Variants in UNC5D observed in about 807,000 individuals in gnomAD.
UNC5D encodes netrin receptor UNC5D.
Under a neutral mutation model 105.4 loss-of-function variants are expected in UNC5D, and 39 were observed. The ratio of observed to expected loss-of-function variants is 0.37; its 90% CI spans 0.29 to 0.48. The LOEUF (loss-of-function observed/expected upper bound fraction) is 0.48, where lower values mean the gene tolerates loss of function less well. Ranked by LOEUF, UNC5D falls within the 20% of genes least tolerant of loss-of-function variation. UNC5D has a pLI of 0.98. For synonymous variants in UNC5D, 452 were observed against 450.4 expected (o/e 1.00, Z -0.04); for missense variants, 991 against 1,202.4 (o/e 0.82, Z 2.60).
At chr8:35,764,732 C>G (rs934712866) in intron 14 of UNC5D, among the ~76,000 whole-genome samples, 1 of 152,182 alleles carries the variant, frequency 6.6e-6, no homozygotes, top group Non-Finnish European at 1.5e-5. Flanking sequence ...GCTGATGGTA[C>G]AAGCAAGTTG....
intron 4 of UNC5D, among the ~76,000 whole-genome samples, chr8:35,674,403 TTGTGTA>T (rs947622293): frequency 3.9e-5 from 6 of 152,160 alleles, no homozygotes; most frequent in Non-Finnish European, 7.4e-5. Flanking sequence ...GTGAGTGTGT[TTGTGTA>T]TGTGTGTGTG....
At chr8:35,397,749 C>T (rs1417962577) in intron 1 of UNC5D, among the ~76,000 whole-genome samples, 2 of 152,180 alleles carry the variant, frequency 1.3e-5, no homozygotes, top group Non-Finnish European at 2.9e-5. Context: ...TGGGTTGCTG[C>T]AATAGCGTCC....
chr8:35,444,123 C>T (rs1240357360), intron 1 of UNC5D, among the ~76,000 whole-genome samples: 2 of 151,872 alleles, frequency 1.3e-5, no homozygotes, highest in Non-Finnish European at 2.9e-5. Flanking sequence ...TCTGAATGTT[C>T]GTCCTCCATA....
intron 1 of UNC5D, among the ~76,000 whole-genome samples, chr8:35,416,909 A>G (rs994781287): frequency 1.3e-5 from 2 of 152,178 alleles, no homozygotes; most frequent in Non-Finnish European, 2.9e-5. Context: ...TTTATTGCAG[A>G]GAAAGAAGGG....
At chr8:35,715,239 G>A (rs1828191494) in intron 8 of UNC5D, among the ~76,000 whole-genome samples, 1 of 152,152 alleles carries the variant, frequency 6.6e-6, no homozygotes, top group Non-Finnish European at 1.5e-5. Context: ...TTAAAGGAAA[G>A]TATAGGAAAG....
intron 1 of UNC5D, among the ~76,000 whole-genome samples, chr8:35,322,315 AAAT>A (rs1453700257): frequency 6.6e-6 from 1 of 152,108 alleles, no homozygotes; most frequent in South Asian, 2.1e-4. Context: ...AAATAATTGA[AAAT>A]AATGTTTTTT....
chr8:35,693,533 A>G (rs1046887463), intron 7 of UNC5D, among the ~76,000 whole-genome samples: 2 of 152,180 alleles, frequency 1.3e-5, no homozygotes, highest in Non-Finnish European at 2.9e-5. Flanking sequence ...AACACTTCAG[A>G]TGCCTTTTGT....
chr8:35,787,985 T>TAAAGAAAAAAGAAAAGGAGGAAGG (rs1802827023), intron 16 of UNC5D, among the ~76,000 whole-genome samples: 1 of 151,578 alleles, frequency 6.6e-6, no homozygotes, highest in African/African-American at 2.4e-5. Flanking sequence ...GAATAACCAT[T>TAAAGAAAAAAGAAAAGGAGGAAGG]AAAGAAAAAA....
chr8:35,334,938 G>A (rs1264887562), intron 1 of UNC5D, among the ~76,000 whole-genome samples: 1 of 152,094 alleles, frequency 6.6e-6, no homozygotes, highest in African/African-American at 2.4e-5. Flanking sequence ...TCAAACCCCT[G>A]AGTTCCATCC....
At chr8:35,399,941 G>A (rs1804347570) in intron 1 of UNC5D, among the ~76,000 whole-genome samples, 1 of 152,098 alleles carries the variant, frequency 6.6e-6, no homozygotes, top group Admixed American at 6.6e-5. Flanking sequence ...GTGACTTCTG[G>A]CAATGATTCC....
chr8:35,712,655 T>C lies in UNC5D; in HGVS notation c.1117+6694T>C, dbSNP rs371846009. Among the ~76,000 whole-genome samples the C allele has an allele frequency of 2.8e-4, 43 of 152,300 alleles. No homozygotes were observed. In the South Asian group the frequency reaches 8.5e-3, roughly 30 times the overall value. Reference sequence around the variant, plus strand: ...TTCATTCAGAGTGAGATCATGTTGATCCATATTCTTTATGATCTTCACCAG... The same window carrying C: ...TTCATTCAGAGTGAGATCATGTTGACCCATATTCTTTATGATCTTCACCAG... On this transcript the variant is annotated intron_variant, in intron 8 of 16. Transcript: ENST00000404895.
chr8:35,241,353 T>C (rs1802793669), intron 1 of UNC5D, among the ~76,000 whole-genome samples: 1 of 152,240 alleles, frequency 6.6e-6, no homozygotes, highest in South Asian at 2.1e-4. Flanking sequence ...TGAAATCCAC[T>C]GCTAATTCCT....
intron 1 of UNC5D, among the ~76,000 whole-genome samples, chr8:35,286,074 C>A (rs2950913): frequency 0.82 from 124,154 of 151,532 alleles, 51,310 homozygotes; most frequent in East Asian, 1. Context: ...GCAGTTAGGA[C>A]TGACTGTAGC....
rs1481420710 is a variant in UNC5D, at chr8:35,602,861, AT to A, written c.570+7205del. On this transcript the variant is annotated intron_variant, in intron 4 of 16. Transcript: ENST00000404895. ...AGCATTAGGTATATCTCCCAGTGCT[AT>A]CCCTTCCCCCCTCCCCCCACCCCAC... 9.6e-3 allele frequency among the ~76,000 whole-genome samples: 30 copies of A among 3,132 alleles called. 1 individual carries two copies. The highest frequency in any genetic ancestry group is 0.021 in the African/African-American group (27 of 1,286). 2.1% of individuals were successfully genotyped at this position (3,132 alleles called of 152,430 possible).
chr8:35,500,682 G>A (rs577461365), intron 1 of UNC5D, among the ~76,000 whole-genome samples: 6 of 152,228 alleles, frequency 3.9e-5, no homozygotes, highest in Admixed American at 2.6e-4. Flanking sequence ...ACTAGGCTGC[G>A]GGTATCTTGG....
chr8:35,689,327 T>C (rs1248189538), intron 7 of UNC5D, among the ~76,000 whole-genome samples: 1 of 152,072 alleles, frequency 6.6e-6, no homozygotes, highest in Non-Finnish European at 1.5e-5. Flanking sequence ...TGAATAAGAG[T>C]TCTGTTTAAG....
chr8:35,243,342 A>G (rs906135383), intron 1 of UNC5D, among the ~76,000 whole-genome samples: 2 of 152,236 alleles, frequency 1.3e-5, no homozygotes, highest in Non-Finnish European at 2.9e-5. Flanking sequence ...GTCCTGATGC[A>G]ATATAAAGCA....
chr8:35,274,086 T>G (rs1348287684), intron 1 of UNC5D, among the ~76,000 whole-genome samples: 1 of 152,188 alleles, frequency 6.6e-6, no homozygotes, highest in Non-Finnish European at 1.5e-5. Context: ...TGGAGCTCAT[T>G]TTAACCTTTA....
intron 1 of UNC5D, among the ~76,000 whole-genome samples, chr8:35,438,761 A>T (rs922387184): frequency 6.6e-6 from 1 of 152,052 alleles, no homozygotes; most frequent in Non-Finnish European, 1.5e-5. Context: ...CTAGTGAATG[A>T]TCAAGAACGT....
Sources: allele counts gnomAD v4.1 joint callset (sites outside exome capture counted in the v4.1 genomes callset), GRCh38; gene constraint gnomAD v4.1.1; transcripts MANE v1.5; gene names NCBI Gene and HGNC (gene_info 2026-07-23, HGNC 2026-07-21).